SLC35F1: variants seen among roughly 807,000 people sequenced by gnomAD.
SLC35F1 encodes chromosome 6 open reading frame 169.
A neutral mutation model predicts 48.7 loss-of-function variants in SLC35F1; 14 were observed. The ratio of observed to expected loss-of-function variants is 0.29; its 90% CI spans 0.19 to 0.45. The LOEUF is 0.45. Ranked by LOEUF, SLC35F1 falls within the 20% of genes least tolerant of loss-of-function variation. SLC35F1 has a pLI of 1.00. For missense variants in SLC35F1, 404 were observed against 500.0 expected, an observed-to-expected ratio of 0.81 and a Z score of 1.83; for synonymous variants, 190 against 202.2, an observed-to-expected ratio of 0.94 and a Z score of 0.51.
At chr6:118,135,543 C>T (rs1194698810) in intron 1 of SLC35F1, among the ~76,000 whole-genome samples, 1 of 152,160 alleles carries the variant, frequency 6.6e-6, no homozygotes, top group Non-Finnish European at 1.5e-5. Context: ...GGACCCTGCC[C>T]AGCCCTTCAT....
chr6:118,132,694 G>A (rs796582028), intron 1 of SLC35F1, among the ~76,000 whole-genome samples: 3 of 152,068 alleles, frequency 2.0e-5, no homozygotes, highest in Non-Finnish European at 4.4e-5. Flanking sequence ...TTATTTTGTG[G>A]CACATATTCT....
At chr6:118,243,794 A>G (rs2114594545) in intron 3 of SLC35F1, among the ~76,000 whole-genome samples, 1 of 152,338 alleles carries the variant, frequency 6.6e-6, no homozygotes, top group South Asian at 2.1e-4. Flanking sequence ...GTTTATGACT[A>G]AAGCTCAGCT....
intron 1 of SLC35F1, among the ~76,000 whole-genome samples, chr6:117,999,762 G>A (rs951146410): frequency 6.6e-6 from 1 of 151,214 alleles, no homozygotes; most frequent in Admixed American, 6.6e-5. Flanking sequence ...AATGATAAAG[G>A]GGATATCACC....
chr6:117,939,240 A>G (rs1289218065), intron 1 of SLC35F1, among the ~76,000 whole-genome samples: 1 of 152,030 alleles, frequency 6.6e-6, no homozygotes. Flanking sequence ...TTGAATTCTG[A>G]GCAGAGACAT....
At chr6:118,045,210 C>A (rs1443184585) in intron 1 of SLC35F1, among the ~76,000 whole-genome samples, 2 of 152,120 alleles carry the variant, frequency 1.3e-5, no homozygotes, top group Admixed American at 1.3e-4. Context: ...GGGGTTGTGT[C>A]TTCCATCAGA....
intron 2 of SLC35F1, among the ~76,000 whole-genome samples, chr6:118,202,645 A>G (rs1774886750): frequency 6.6e-6 from 1 of 152,248 alleles, no homozygotes; most frequent in Admixed American, 6.5e-5. Context: ...CTAAACACCA[A>G]AGTTATGATG....
intron 1 of SLC35F1, among the ~76,000 whole-genome samples, chr6:118,087,198 T>A (rs184597482): frequency 1.7e-3 from 258 of 152,268 alleles, no homozygotes; most frequent in African/African-American, 6.0e-3. Flanking sequence ...CCTTGGCTAG[T>A]AGATGACCAT....
chr6:118,092,356 G>T (rs1044624020), intron 1 of SLC35F1, among the ~76,000 whole-genome samples: 1 of 152,154 alleles, frequency 6.6e-6, no homozygotes, highest in African/African-American at 2.4e-5. Context: ...CTTAGGTTTG[G>T]CAACCTCCAC....
chr6:118,228,747 AAG>A (rs1775251159), intron 2 of SLC35F1, among the ~76,000 whole-genome samples: 1 of 152,036 alleles, frequency 6.6e-6, no homozygotes, highest in African/African-American at 2.4e-5. Context: ...GTTCTGGTAA[AAG>A]AGATGATATT....
intron 1 of SLC35F1, among the ~76,000 whole-genome samples, chr6:117,998,649 A>G (rs538043589): frequency 7.2e-5 from 11 of 152,362 alleles, no homozygotes; most frequent in African/African-American, 2.4e-4. Context: ...CTACATGGAA[A>G]CTGAACAACC....
At chr6:118,052,179 C>T (rs1166231432) in intron 1 of SLC35F1, among the ~76,000 whole-genome samples, 1 of 152,090 alleles carries the variant, frequency 6.6e-6, no homozygotes, top group African/African-American at 2.4e-5. Context: ...TGCAGCCACC[C>T]CTTCCCAACC....
chr6:118,281,204 C>CTCTCTCTA lies in SLC35F1; in HGVS notation c.847+3659_847+3660insCTCTCTAT, dbSNP rs367855949. Among the ~76,000 whole-genome samples the CTCTCTCTA allele has an allele frequency of 5.2e-3, 674 of 130,448 alleles. 2 individuals are homozygous for CTCTCTCTA. The highest frequency in any genetic ancestry group is 9.5e-3 in the South Asian group (35 of 3,698). 85.6% of individuals were successfully genotyped at this position (130,448 alleles called of 152,430 possible). A position where few individuals can be genotyped will look rare whatever the true frequency, so the allele number is the denominator to read the frequency against. On this transcript the variant is annotated intron_variant, in intron 6 of 7. Coordinates refer to ENST00000360388, the MANE Select transcript of SLC35F1 (RefSeq NM_001029858.4). ...TCTCTCTCTCTCTCTCTCTCTCTCTCTATATATATATATATATAAAATATT... is the reference window on the plus strand; with the variant it reads ...TCTCTCTCTCTCTCTCTCTCTCTCTCTCTCTCTATATATATATATATATATAAAATATT...
intron 2 of SLC35F1, among the ~76,000 whole-genome samples, chr6:118,162,029 A>G (rs1333237880): frequency 6.6e-6 from 1 of 152,120 alleles, no homozygotes; most frequent in South Asian, 2.1e-4. Context: ...TTTACAAGAG[A>G]TGAAAACATA....
chr6:118,197,612 C>T (rs1774819601), intron 2 of SLC35F1, among the ~76,000 whole-genome samples: 1 of 152,134 alleles, frequency 6.6e-6, no homozygotes, highest in Non-Finnish European at 1.5e-5. Flanking sequence ...GATCTCCTGC[C>T]TCCTGAGGCT....
intron 7 of SLC35F1, among the ~76,000 whole-genome samples, chr6:118,299,530 T>G (rs1776231883): frequency 6.6e-6 from 1 of 152,196 alleles, no homozygotes; most frequent in Non-Finnish European, 1.5e-5. Context: ...ATCGGAATAT[T>G]TTAAAATGTG....
intron 3 of SLC35F1, among the ~76,000 whole-genome samples, chr6:118,245,500 C>T (rs931789977): frequency 2.0e-5 from 3 of 152,172 alleles, no homozygotes; most frequent in African/African-American, 7.2e-5. Flanking sequence ...TGCTGTCTGG[C>T]GTTCTGCTGG....
intron 1 of SLC35F1, among the ~76,000 whole-genome samples, chr6:118,067,161 C>T (rs1350952460): frequency 6.6e-6 from 1 of 152,078 alleles, no homozygotes; most frequent in Non-Finnish European, 1.5e-5. Flanking sequence ...TCATGGATCA[C>T]TGGGCAATGG....
chr6:117,924,740 G>A (rs2068669998), intron 1 of SLC35F1, among the ~76,000 whole-genome samples: 1 of 152,002 alleles, frequency 6.6e-6, no homozygotes, highest in Non-Finnish European at 1.5e-5. Context: ...AGTGTGATGT[G>A]ATAGAAACTT....
At chr6:118,083,969 A>G (rs1772948650) in intron 1 of SLC35F1, among the ~76,000 whole-genome samples, 1 of 152,230 alleles carries the variant, frequency 6.6e-6, no homozygotes, top group South Asian at 2.1e-4. Context: ...GTAACACTTT[A>G]GAATTAGTTG....
Sources: allele counts gnomAD v4.1 joint callset (sites outside exome capture counted in the v4.1 genomes callset), GRCh38; gene constraint gnomAD v4.1.1; transcripts MANE v1.5; gene names NCBI Gene and HGNC (gene_info 2026-07-23, HGNC 2026-07-21).